Variants in KHDRBS2 observed in about 807,000 individuals in gnomAD.
The protein encoded by KHDRBS2 is KH domain-containing, RNA-binding, signal transduction-associated protein 2.
In KHDRBS2, 26 loss-of-function variants were observed where a neutral mutation model predicts 44.3. The ratio of observed to expected loss-of-function variants is 0.59; its 90% CI spans 0.43 to 0.81. The LOEUF (loss-of-function observed/expected upper bound fraction) is 0.81. KHDRBS2 is among the 40% of genes least tolerant of loss of function. The pLI, the probability that KHDRBS2 is intolerant of heterozygous loss-of-function variation, is 0.00. For synonymous variants in KHDRBS2, 194 were observed against 151.1 expected, an observed-to-expected ratio of 1.28 and a Z score of -2.08; for missense variants, 476 against 433.1, an observed-to-expected ratio of 1.10 and a Z score of -0.88.
the KHDRBS2 span, among the ~76,000 whole-genome samples, chr6:61,591,686 G>C: frequency 1.3e-5 from 2 of 152,104 alleles, no homozygotes; most frequent in African/African-American, 4.8e-5. Flanking sequence ...TCAAGACAAG[G>C]AGTTATTGAT....
chr6:62,100,053 A>G (rs539845108), intron 2 of KHDRBS2, among the ~76,000 whole-genome samples: 1 of 144,768 alleles, frequency 6.9e-6, no homozygotes, highest in African/African-American at 2.6e-5. Flanking sequence ...AGATGCCATC[A>G]AGAACATTTA....
At chr6:61,625,825 A>G in the KHDRBS2 span, among the ~76,000 whole-genome samples, 1 of 152,210 alleles carries the variant, frequency 6.6e-6, no homozygotes, top group Non-Finnish European at 1.5e-5. Flanking sequence ...ACATCAGATA[A>G]GCCTATGAAA....
At chr6:61,658,421 C>T in the KHDRBS2 span, among the ~76,000 whole-genome samples, 1 of 151,848 alleles carries the variant, frequency 6.6e-6, no homozygotes, top group South Asian at 2.1e-4. Flanking sequence ...TTTCTGTCCA[C>T]ATCTGACCTT....
At chr6:62,039,977 C>T (rs1786108331) in intron 3 of KHDRBS2, among the ~76,000 whole-genome samples, 1 of 152,038 alleles carries the variant, frequency 6.6e-6, no homozygotes, top group African/African-American at 2.4e-5. Flanking sequence ...GGCAGAAAGA[C>T]TTTAAACCAG....
the KHDRBS2 span, among the ~76,000 whole-genome samples, chr6:61,642,349 C>T: frequency 6.6e-6 from 1 of 151,998 alleles, no homozygotes; most frequent in Non-Finnish European, 1.5e-5. Context: ...TAACTCTTCA[C>T]TTAATGTACT....
At chr6:61,717,073 G>T (rs1771558963) in intron 7 of KHDRBS2, among the ~76,000 whole-genome samples, 1 of 151,826 alleles carries the variant, frequency 6.6e-6, no homozygotes, top group South Asian at 2.1e-4. Flanking sequence ...TGAGAGACTT[G>T]TCATTCATGT....
intron 1 of KHDRBS2, among the ~76,000 whole-genome samples, chr6:62,226,224 G>T (rs966206477): frequency 2.6e-5 from 4 of 151,960 alleles, no homozygotes; most frequent in Non-Finnish European, 5.9e-5. Flanking sequence ...TTTAATAATC[G>T]CCATTCTGAC....
At chr6:62,050,124 T>G (rs745996245) in intron 2 of KHDRBS2, among the ~76,000 whole-genome samples, 1 of 151,946 alleles carries the variant, frequency 6.6e-6, no homozygotes, top group Non-Finnish European at 1.5e-5. Flanking sequence ...TAAAAAAGGA[T>G]GAGTTCATGC....
chr6:61,714,451 T>G (rs1280539272), intron 7 of KHDRBS2, among the ~76,000 whole-genome samples: 1 of 151,910 alleles, frequency 6.6e-6, no homozygotes, highest in Admixed American at 6.6e-5. Flanking sequence ...GAAATGTAAA[T>G]TAGTACAACC....
chr6:61,554,357 G>A, the KHDRBS2 span, among the ~76,000 whole-genome samples: 4 of 151,568 alleles, frequency 2.6e-5, no homozygotes, highest in East Asian at 7.8e-4. Flanking sequence ...TCATTTGCTT[G>A]GTAAATTTTT....
intron 1 of KHDRBS2, among the ~76,000 whole-genome samples, chr6:62,269,374 G>T (rs1839716415): frequency 1.3e-5 from 2 of 151,972 alleles, no homozygotes; most frequent in South Asian, 4.1e-4. Flanking sequence ...ACAAATAACT[G>T]CAACAAGAAT....
intron 1 of KHDRBS2, among the ~76,000 whole-genome samples, chr6:62,239,507 A>T (rs1297703147): frequency 6.6e-6 from 1 of 152,062 alleles, no homozygotes; most frequent in Non-Finnish European, 1.5e-5. Flanking sequence ...CTGGAGGCGG[A>T]CGTTGCCGTG....
intron 1 of KHDRBS2, among the ~76,000 whole-genome samples, chr6:62,272,191 A>G (rs1257013793): frequency 1.3e-5 from 2 of 152,194 alleles, no homozygotes; most frequent in Non-Finnish European, 2.9e-5. Context: ...TAGCCTAGGA[A>G]CAATAGCTGT....
chr6:61,827,332 T>C (rs924121275), intron 6 of KHDRBS2, among the ~76,000 whole-genome samples: 1 of 152,148 alleles, frequency 6.6e-6, no homozygotes, highest in African/African-American at 2.4e-5. Flanking sequence ...TTTGTAGAAG[T>C]AGGGATGTGA....
chr6:61,625,072 G>A, the KHDRBS2 span, among the ~76,000 whole-genome samples: 1 of 152,022 alleles, frequency 6.6e-6, no homozygotes, highest in African/African-American at 2.4e-5. Context: ...AGAGAGGTAT[G>A]CGTGTGGAAT....
intron 6 of KHDRBS2, among the ~76,000 whole-genome samples, chr6:61,885,100 T>C (rs541426180): frequency 6.6e-6 from 1 of 152,236 alleles, no homozygotes; most frequent in South Asian, 2.1e-4. Flanking sequence ...GAAAACAATA[T>C]AGAATTTCTG....
At chr6:62,133,519 A>G (rs1336779443) in intron 2 of KHDRBS2, among the ~76,000 whole-genome samples, 1 of 152,198 alleles carries the variant, frequency 6.6e-6, no homozygotes. Context: ...ATTTATCAGC[A>G]TCATGAAAAT....
chr6:61,717,745 T>C (rs1348131072), intron 7 of KHDRBS2, among the ~76,000 whole-genome samples: 2 of 152,118 alleles, frequency 1.3e-5, no homozygotes, highest in African/African-American at 4.8e-5. Context: ...ACATTAAACA[T>C]ATAGCCTAAA....
intron 2 of KHDRBS2, among the ~76,000 whole-genome samples, chr6:62,071,670 T>C (rs1252968250): frequency 6.6e-6 from 1 of 152,166 alleles, no homozygotes; most frequent in Non-Finnish European, 1.5e-5. Flanking sequence ...GCATTATTTC[T>C]GAGAGCTCTG....
Sources: allele counts gnomAD v4.1 joint callset (sites outside exome capture counted in the v4.1 genomes callset), GRCh38; gene constraint gnomAD v4.1.1; transcripts MANE v1.5; gene names NCBI Gene and HGNC (gene_info 2026-07-23, HGNC 2026-07-21).